PTPRE: variants seen among roughly 807,000 people sequenced by gnomAD.
PTPRE encodes receptor-type tyrosine-protein phosphatase epsilon.
Under a neutral mutation model 102.0 loss-of-function variants are expected in PTPRE, and 51 were observed. That is an observed-to-expected ratio of 0.50 (90% CI 0.40 to 0.63). The LOEUF (loss-of-function observed/expected upper bound fraction) is 0.63. Among genes scored for constraint, PTPRE ranks in the 30% least tolerant of loss-of-function variants. The pLI, the probability that PTPRE is intolerant of heterozygous loss-of-function variation, is 0.00. For missense variants in PTPRE, 752 were observed against 915.1 expected, an observed-to-expected ratio of 0.82 and a Z score of 2.30; for synonymous variants, 345 against 348.2, an observed-to-expected ratio of 0.99 and a Z score of 0.10.
intron 2 of PTPRE, among the ~76,000 whole-genome samples, chr10:127,987,069 C>A (rs952746839): frequency 1.3e-5 from 2 of 152,178 alleles, no homozygotes; most frequent in Non-Finnish European, 2.9e-5. Flanking sequence ...TCTGACATGA[C>A]AAACAGATTA....
chr10:128,077,576 C>T (rs375599699), intron 18 of PTPRE, 41 bp from the exon 19 acceptor site: 47 of 1,570,298 alleles, frequency 3.0e-5, no homozygotes, highest in African/African-American at 1.3e-4. Context: ...GCCTGTTCCC[C>T]GGCAGGCAGG....
Position 128,040,893 on chromosome 10 carries a change from G to A in PTPRE, c.12G>A (p.Leu4=), listed in dbSNP as rs374843074. Residue 4 remains leucine, a synonymous_variant, in exon 3 of 21, where the codon TTG becomes TTA. Coordinates refer to ENST00000254667, the MANE Select transcript of PTPRE (RefSeq NM_006504.6). The part of the protein sequence containing the change: MEP[L]CPLLLVGFSL... ...TCTGCAGGTCCACCATGGAGCCCTT[G>A]TGTCCACTCCTGCTGGTGGGTTTTA... is the stretch of plus-strand genomic sequence containing the variant. 2 of 1,614,010 alleles carry A rather than the reference G, an allele frequency of 1.2e-6. No individual in the cohort carries two copies. Among genetic ancestry groups the A allele is most frequent in the Non-Finnish European group, 1.7e-6 (2 of 1,179,978 alleles).
chr10:128,082,857 T>C lies in PTPRE; in HGVS notation c.2054T>C (p.Val685Ala). The C allele has an allele frequency of 6.4e-7, 1 of 1,556,936 alleles. No homozygotes were observed. Among genetic ancestry groups the C allele is most frequent in the Non-Finnish European group, 8.6e-7 (1 of 1,161,308 alleles). Reference protein sequence around the residue: ...TLEQYEFCYKVVQDFIDIFSD... With the variant: ...TLEQYEFCYKAVQDFIDIFSD... The stretch of plus-strand genomic sequence containing the variant: ...GAACAGTATGAATTCTGCTACAAAG[T>C]GGTACAAGATTTTATTGATATATTT... Residue 685 changes from valine to alanine, a missense_variant, in exon 21 of 21, where the codon GTG becomes GCG. Transcript: ENST00000254667.
At chr10:128,040,215 A>C (rs1017983161) in intron 2 of PTPRE, among the ~76,000 whole-genome samples, 9 of 152,132 alleles carry the variant, frequency 5.9e-5, no homozygotes, top group Non-Finnish European at 1.3e-4. Flanking sequence ...GTCAAGCTGG[A>C]GCCAGGCAGA....
chr10:127,935,315 C>T (rs1564808984), intron 1 of PTPRE, among the ~76,000 whole-genome samples: 1 of 152,186 alleles, frequency 6.6e-6, no homozygotes, highest in East Asian at 1.9e-4. Flanking sequence ...CTTTTGTGAC[C>T]AAAATCAACC....
rs145931599 is a variant in PTPRE, at chr10:127,959,059, G to A, written c.-30-23215G>A. Among the ~76,000 whole-genome samples the A allele has an allele frequency of 6.4e-3, 978 of 152,136 alleles. 9 individuals are homozygous for A. Among genetic ancestry groups the A allele is most frequent in the African/African-American group, 0.021 (891 of 41,500 alleles). ...TTACAGGCATGCGCCACCACACCCCGCTAATTTCGTATTTTTAGTAGAGAT... is the reference window on the plus strand; with the variant it reads ...TTACAGGCATGCGCCACCACACCCCACTAATTTCGTATTTTTAGTAGAGAT... On this transcript the variant is annotated intron_variant, in intron 1 of 20. Transcript: ENST00000254667.
chr10:127,998,792 G>A (rs7081735), intron 2 of PTPRE: 108,253 of 151,994 alleles, frequency 0.71, 39,171 homozygotes, highest in African/African-American at 0.86. Flanking sequence ...TGAAGTCGCC[G>A]TATTCCCAGG....
chr10:128,060,995 A>C lies in PTPRE; in HGVS notation c.568A>C (p.Ile190Leu), dbSNP rs759156503. 6.2e-7 allele frequency: 1 copy of C among 1,614,126 alleles called. No homozygotes were observed. The highest frequency in any genetic ancestry group is 1.1e-5 in the South Asian group (1 of 91,086). Residue 190 changes from isoleucine to leucine, a missense_variant, in exon 8 of 21, where the codon ATC (isoleucine) becomes CTC (leucine). Ile to Leu is a conservative substitution (Grantham distance 5). Around this residue, in one of 2 missense-constraint regions of PTPRE, gnomAD observed 636 missense variants for 824.4 expected, o/e 0.77. Coordinates refer to ENST00000254667, the MANE Select transcript of PTPRE (RefSeq NM_006504.6). ...QLDGIPCSDYINASYIDGYKE... is the reference protein window; with the variant it reads ...QLDGIPCSDYLNASYIDGYKE... The stretch of plus-strand genomic sequence containing the variant: ...GGATGGAATTCCCTGTTCAGACTAC[A>C]TCAATGCTTCCTACATAGATGTAAG...
At chr10:128,055,567 G>C (rs1302689982) in intron 6 of PTPRE, among the ~76,000 whole-genome samples, 1 of 152,112 alleles carries the variant, frequency 6.6e-6, no homozygotes, top group East Asian at 1.9e-4. Flanking sequence ...CCTCCCGGGA[G>C]TGCCCAAGCC....
In PTPRE at chr10:128,005,985, G is replaced by A. The variant is rs183944996; in HGVS notation, c.-8+23689G>A. Among the ~76,000 whole-genome samples, 40 of 152,226 alleles carry A rather than the reference G, an allele frequency of 2.6e-4. No individual in the cohort carries two copies. In the East Asian group the frequency reaches 6.4e-3, roughly 24 times the overall value. ...GGCCTTCCTCTCAGTATACATGTGTGTGCCACCTCCTCTTCTTATAAAGAC... is the reference window on the plus strand; with the variant it reads ...GGCCTTCCTCTCAGTATACATGTGTATGCCACCTCCTCTTCTTATAAAGAC... On this transcript the variant is annotated intron_variant, in intron 2 of 20. Transcript: ENST00000254667.
At chr10:128,056,522 C>A (rs551267339) in intron 7 of PTPRE, among the ~76,000 whole-genome samples, 6 of 152,158 alleles carry the variant, frequency 3.9e-5, no homozygotes, top group African/African-American at 1.4e-4. Flanking sequence ...GCTGGCAGGG[C>A]CCCTCCTGTG....
At chr10:128,034,840 T>C (rs1847080903) in intron 2 of PTPRE, among the ~76,000 whole-genome samples, 2 of 152,292 alleles carry the variant, frequency 1.3e-5, no homozygotes, top group Admixed American at 1.3e-4. Flanking sequence ...CATTGAAAAA[T>C]ATATTGAATG....
At chr10:127,995,845 A>G (rs899173906) in intron 2 of PTPRE, among the ~76,000 whole-genome samples, 2 of 149,126 alleles carry the variant, frequency 1.3e-5, no homozygotes, top group African/African-American at 5.2e-5. Context: ...ACACACACAC[A>G]CACACACACA....
Position 128,072,176 on chromosome 10 carries a change from C to A in PTPRE, c.1426C>A (p.Gln476Lys), listed in dbSNP as rs757662183. The A allele has an allele frequency of 6.2e-7, 1 of 1,613,876 alleles. No homozygotes were observed. The highest frequency in any genetic ancestry group is 8.5e-7 in the Non-Finnish European group (1 of 1,179,964). Residue 476 changes from glutamine to lysine, a missense_variant, in exon 16 of 21, where the codon CAA becomes AAA. Gln to Lys is a moderately conservative substitution (Grantham distance 53). Coordinates refer to ENST00000254667, the MANE Select transcript of PTPRE (RefSeq NM_006504.6). ...NRVILSMKRG[Q>K]EYTDYINASF... is the part of the protein sequence containing the mutation. ...AGTGATCCTTTCCATGAAAAGGGGT[C>A]AAGAATACACAGACTACATCAACGC...
At chr10:128,031,022 G>T (rs896065305) in intron 2 of PTPRE, among the ~76,000 whole-genome samples, 1 of 152,248 alleles carries the variant, frequency 6.6e-6, no homozygotes, top group Non-Finnish European at 1.5e-5. Context: ...AAGTGGGGAG[G>T]TGGGAGGAGG....
intron 1 of PTPRE, among the ~76,000 whole-genome samples, chr10:127,979,030 A>G (rs959460661): frequency 2.6e-5 from 4 of 152,200 alleles, no homozygotes; most frequent in Non-Finnish European, 5.9e-5. Context: ...CAAAAAATAA[A>G]TAAACAAATA....
intron 1 of PTPRE, among the ~76,000 whole-genome samples, chr10:127,952,613 A>T (rs1849117062): frequency 6.6e-6 from 1 of 152,196 alleles, no homozygotes; most frequent in Admixed American, 6.5e-5. Flanking sequence ...GGCGATGTCC[A>T]GGAAGATTGT....
chr10:127,934,024 G>GCGCACACACA (rs1357914217), intron 1 of PTPRE: 60 of 82,344 alleles, frequency 7.3e-4, no homozygotes, highest in African/African-American at 2.6e-3. Context: ...CACCCCCCGC[G>GCGCACACACA]CACACACACA....
At chr10:128,076,529 C>CTG in intron 17 of PTPRE, 74 bp from the exon 18 acceptor site, 1 of 1,392,768 alleles carries the variant, frequency 7.2e-7, no homozygotes, top group East Asian at 2.5e-5. Flanking sequence ...GAGAACAATT[C>CTG]TGTGTTATAA....
Sources: gnomAD v4.1 joint callset for allele counts (sites outside exome capture counted in the v4.1 genomes callset) on GRCh38, gnomAD v4.1.1 for gene constraint, gnomAD v4.1.1 regional missense constraint, MANE v1.5 for transcripts, NCBI Gene and HGNC (gene_info 2026-07-23, HGNC 2026-07-21) for gene names.